The following TTN variants were observed in gnomAD, a reference collection of about 807,000 sequenced individuals.
TTN encodes the protein titin.
Under a neutral mutation model 3,223.0 loss-of-function variants are expected in TTN, and 1,525 were observed. The ratio of observed to expected loss-of-function variants is 0.47; its 90% CI spans 0.45 to 0.49. The LOEUF is 0.49. Among genes scored for constraint, TTN ranks in the 20% least tolerant of loss-of-function variants. TTN has a pLI of 0.00. For synonymous variants in TTN, 14,094 were observed against 15,161.0 expected (o/e 0.93, Z 5.17); for missense variants, 40,786 against 43,424.0 (o/e 0.94, Z 5.40).
chr2:178,778,259 C>T lies in TTN; in HGVS notation c.4209-284G>A, dbSNP rs897057849. On this transcript the variant is annotated intron_variant, in intron 24 of 362. Coordinates refer to ENST00000589042, the MANE Select transcript of TTN (RefSeq NM_001267550.2). ...CCTCAATACTCTCTTTTCCTTACCA[C>T]TTGGATTTAATCAGTCACTAGACTT... 3 of 412,694 alleles carry T rather than the reference C, an allele frequency of 7.3e-6. No homozygotes were observed. In the Admixed American group the frequency reaches 1.2e-4, roughly 16 times the overall value. The allele number at this position is 412,694 out of a possible 1,614,324, so 25.6% of individuals were successfully genotyped here. A position where few individuals can be genotyped will look rare whatever the true frequency, so the allele number is the denominator to read the frequency against.
Position 178,548,827 on chromosome 2 carries a change from C to G in TTN, c.92799G>C (p.Gln30933His), listed in dbSNP as rs1553532340. 3.7e-6 allele frequency: 6 copies of G among 1,612,966 alleles called. No homozygotes were observed. The highest frequency in any genetic ancestry group is 5.1e-6 in the Non-Finnish European group (6 of 1,179,802). Residue 30933 changes from glutamine to histidine, a missense_variant, in exon 339 of 363, where the codon CAG becomes CAC. Gln to His is a conservative substitution (Grantham distance 24). Transcript: ENST00000589042. The surrounding 1 kb of genome is among the most constrained non-coding windows in gnomAD (Gnocchi z 4.3). ...PELDIDANFK[Q>H]THVVRAGASI... Reference sequence around the variant, plus strand: ...TGGCCCCAGCTCTAACAACATGAGTCTGTTTGAAGTTTGCATCTATGTCTA... The same window carrying G: ...TGGCCCCAGCTCTAACAACATGAGTGTGTTTGAAGTTTGCATCTATGTCTA...
chr2:178,579,390 G>A lies in TTN; in HGVS notation c.67640C>T (p.Ala22547Val), dbSNP rs1420237987. Residue 22547 changes from alanine (A) to valine (V), a missense_variant, in exon 320 of 363, where the codon GCT becomes GTT. Ala to Val is a moderately conservative substitution (Grantham distance 64). Coordinates refer to ENST00000589042, the MANE Select transcript of TTN (RefSeq NM_001267550.2). ...ITVVARDDVV[A>V]PDLDLKGLPD... ...TAGACCCTTTAAGTCAAGATCAGGA[G>A]CCACTGTAAAATAGCAGAGATAAAT... 1 of 1,562,900 alleles carries A rather than the reference G, an allele frequency of 6.4e-7. No homozygotes were observed. Among genetic ancestry groups the A allele is most frequent in the Non-Finnish European group, 8.6e-7 (1 of 1,162,348 alleles).
At position 178,552,178 on chromosome 2, in the gene TTN, C is replaced by T; in HGVS notation, c.90722G>A (p.Ser30241Asn). Residue 30241 changes from serine (S) to asparagine (N), a missense_variant, in exon 335 of 363, where the codon AGT becomes AAT. By Grantham distance (46) the Ser-to-Asn change is conservative (BLOSUM62 1). Transcript: ENST00000589042. ...PIRFDEIKAD[S>N]VILSWDVPED... is the part of the protein sequence containing the mutation. ...AGGTACATCCCATGACAGGATGACACTATCAGCCTTGATTTCATCAAATCG... is the reference window on the plus strand; with the variant it reads ...AGGTACATCCCATGACAGGATGACATTATCAGCCTTGATTTCATCAAATCG... The T allele has an allele frequency of 6.2e-7, 1 of 1,613,806 alleles. No homozygotes were observed. Among genetic ancestry groups the T allele is most frequent in the South Asian group, 1.1e-5 (1 of 91,070 alleles).
intron 140 of TTN, 61 bp downstream of exon 140, chr2:178,679,833 A>C: frequency 1.3e-6 from 2 of 1,597,724 alleles, no homozygotes; most frequent in East Asian, 2.2e-5. Context: ...AATCTGACCA[A>C]ATCAGACCCC....
intron 113 of TTN, 69 bp downstream of exon 113, chr2:178,697,052 A>T: frequency 7.4e-7 from 1 of 1,351,270 alleles, no homozygotes; most frequent in South Asian, 1.3e-5. Flanking sequence ...TAATATTTAA[A>T]ATAAGAATAG....
In TTN at chr2:178,789,345, A is replaced by G. The variant is rs991303719; in HGVS notation, c.2076+15T>C. 6.2e-7 allele frequency: 1 copy of G among 1,613,012 alleles called. No individual in the cohort carries two copies. Among genetic ancestry groups the G allele is most frequent in the Non-Finnish European group, 8.5e-7 (1 of 1,179,178 alleles). On this transcript the variant is annotated intron_variant, in intron 13 of 362. Coordinates refer to ENST00000589042, the MANE Select transcript of TTN (RefSeq NM_001267550.2). ...TTATAATAGGGGATTTCACACTTGGAACAACAATAGTCACCTTTCCATGGG... is the reference window on the plus strand; with the variant it reads ...TTATAATAGGGGATTTCACACTTGGGACAACAATAGTCACCTTTCCATGGG...
chr2:178,785,970 G>C lies in TTN; in HGVS notation c.2248C>G (p.Pro750Ala), dbSNP rs1273353163. 3 of 1,614,124 alleles carry C rather than the reference G, an allele frequency of 1.9e-6. No individual in the cohort carries two copies. Among genetic ancestry groups the C allele is most frequent in the Non-Finnish European group, 2.5e-6 (3 of 1,179,996 alleles). ...RISAAKVAEP[P>A]QRPASEPHVV... ...TGGGGTTCTGAGGCTGGACGTTGGG[G>C]AGGCTCAGCTACCTTTGCGGCGGAA... is the stretch of plus-strand genomic sequence containing the variant. Residue 750 changes from proline (P) to alanine (A), a missense_variant, in exon 14 of 363, where the codon CCC (proline) becomes GCC (alanine). Coordinates refer to ENST00000589042, the MANE Select transcript of TTN (RefSeq NM_001267550.2).
chr2:178,714,958 G>A (rs1217511275), intron 90 of TTN, 28 bp downstream of exon 90: 2 of 1,581,668 alleles, frequency 1.3e-6, no homozygotes, highest in African/African-American at 2.7e-5. Flanking sequence ...GGGAAGTAGT[G>A]AGCAGAAGTG....
intron 312 of TTN, 170 bp from the exon 313 acceptor site, chr2:178,583,397 T>G: frequency 1.2e-6 from 1 of 845,338 alleles, no homozygotes; most frequent in East Asian, 2.8e-5. Flanking sequence ...TGAATAACTA[T>G]TGAAATTATA....
At position 178,720,198 on chromosome 2, in the gene TTN, C is replaced by T. The variant is rs372804810; in HGVS notation, c.23444G>A (p.Arg7815Gln). Reference sequence around the variant, plus strand: ...TGGCTGGAAGCCCTCCACTATGGCCCGTAACTCAACAGCATCCCCAATAAG... The same window carrying T: ...TGGCTGGAAGCCCTCCACTATGGCCTGTAACTCAACAGCATCCCCAATAAG... ...STLIGDAVELRAIVEGFQPIS... is the reference protein window; with the variant it reads ...STLIGDAVELQAIVEGFQPIS... The change falls in exon 81 of 363, where the codon CGG (arginine) becomes CAG (glutamine). Residue 7815 changes from arginine to glutamine, a missense_variant. By Grantham distance (43) the Arg-to-Gln change is conservative. Transcript: ENST00000589042. 3.4e-5 allele frequency: 55 copies of T among 1,613,598 alleles called. No individual in the cohort carries two copies. The highest frequency in any genetic ancestry group is 1.7e-4 in the Admixed American group (10 of 59,988).
chr2:178,723,637 T>C lies in TTN; in HGVS notation c.21463A>G (p.Thr7155Ala). 1 of 1,610,720 alleles carries C rather than the reference T, an allele frequency of 6.2e-7. No individual in the cohort carries two copies. Among genetic ancestry groups the C allele is most frequent in the Non-Finnish European group, 8.5e-7 (1 of 1,178,424 alleles). ...PLEVLPGKNV[T>A]FTSVIRGTPP... is the part of the protein sequence containing the mutation. Reference sequence around the variant, plus strand: ...GTTCCTCTAATAACGCTTGTGAAGGTTACATTTTTGCCTGGTAGTACTTCC... The same window carrying C: ...GTTCCTCTAATAACGCTTGTGAAGGCTACATTTTTGCCTGGTAGTACTTCC... The change falls in exon 74 of 363, where the codon ACC becomes GCC. Residue 7155 changes from threonine (T) to alanine (A), a missense_variant. By Grantham distance (58) the Thr-to-Ala change is moderately conservative (BLOSUM62 0). Coordinates refer to ENST00000589042, the MANE Select transcript of TTN (RefSeq NM_001267550.2).
In TTN at chr2:178,548,894, G is replaced by T. The variant is rs1258281031; in HGVS notation, c.92732C>A (p.Thr30911Asn). Residue 30911 changes from threonine (T) to asparagine (N), a missense_variant, in exon 339 of 363, where the codon ACT becomes AAT. Physicochemically the swap from Thr to Asn is moderately conservative, Grantham distance 65. Coordinates refer to ENST00000589042, the MANE Select transcript of TTN (RefSeq NM_001267550.2). This position sits in a 1 kb window ranked among gnomAD's most constrained non-coding sequence, Gnocchi z 4.3. Reference sequence around the variant, plus strand: ...CCGGTCAACTGCTTTAATTGTGCCAGTCACTTCACAGCTGTCGCCTTTTCC... The same window carrying T: ...CCGGTCAACTGCTTTAATTGTGCCATTCACTTCACAGCTGTCGCCTTTTCC... Reference protein sequence around the residue: ...GAGKGDSCEVTGTIKAVDRLT... With the variant: ...GAGKGDSCEVNGTIKAVDRLT... 12 of 1,613,816 alleles carry T rather than the reference G, an allele frequency of 7.4e-6. No individual in the cohort carries two copies. The East Asian group carries it at 2.7e-4, about 36-fold the overall frequency.
chr2:178,667,866 G>A, intron 159 of TTN, 145 bp from the exon 160 acceptor site: 1 of 572,832 alleles, frequency 1.7e-6, no homozygotes. Context: ...GAATGCATTG[G>A]CTGGGGATAG....
rs1476303377 is a variant in TTN at position 178,528,696 on chromosome 2, G to A, written c.107055C>T (p.Ile35685=). 5 of 1,613,442 alleles carry A rather than the reference G, an allele frequency of 3.1e-6. No homozygotes were observed. Among genetic ancestry groups the A allele is most frequent in the Admixed American group, 1.7e-5 (1 of 59,934 alleles). ...LTCISKTKEG[I]VKCQYDLTLS... ...GTGTCAAATCATACTGACACTTGAC[G>A]ATTCCTTCCTTGGTTTTGCTTATGC... Residue 35685 remains isoleucine (I), a synonymous_variant, in exon 360 of 363, where the codon ATC becomes ATT. Transcript: ENST00000589042.
chr2:178,553,019 C>T lies in TTN; in HGVS notation c.89881G>A (p.Gly29961Arg). Residue 29961 changes from glycine (G) to arginine (R), a missense_variant, in exon 335 of 363, where the codon GGA becomes AGA. Physicochemically the swap from Gly to Arg is moderately radical, Grantham distance 125 (BLOSUM62 -2). Transcript: ENST00000589042. ...TLLWDPPLID[G>R]GSPIINYVIE... ...ACATAATTAATTATTGGAGATCCTC[C>T]ATCAATGAGAGGAGGATCCCAGAGC... The T allele has an allele frequency of 1.2e-6, 2 of 1,611,668 alleles. No individual in the cohort carries two copies. Among genetic ancestry groups the T allele is most frequent in the Non-Finnish European group, 1.7e-6 (2 of 1,179,760 alleles).
Position 178,748,668 on chromosome 2 carries a change from G to T in TTN, c.11311+4456C>A, listed in dbSNP as rs780445892. 8 of 1,612,704 alleles carry T rather than the reference G, an allele frequency of 5.0e-6. No individual in the cohort carries two copies. The Admixed American group carries it at 1.3e-4, about 27-fold the overall frequency. Reference sequence around the variant, plus strand: ...GTGTGTTTTATTTGAGTGTGAAACTGCTTTAAGTCAAATGTAATAGGTGAT... The same window carrying T: ...GTGTGTTTTATTTGAGTGTGAAACTTCTTTAAGTCAAATGTAATAGGTGAT... On this transcript the variant is annotated intron_variant, in intron 47 of 362. Coordinates refer to ENST00000589042, the MANE Select transcript of TTN (RefSeq NM_001267550.2).
chr2:178,715,675 T>C lies in TTN; in HGVS notation c.25739A>G (p.Lys8580Arg). Residue 8580 changes from lysine to arginine, a missense_variant, in exon 89 of 363, where the codon AAA becomes AGA. Coordinates refer to ENST00000589042, the MANE Select transcript of TTN (RefSeq NM_001267550.2). ...AGTCTCGTCCTTATACCATAAAACT[T>C]TGATTTCTGGAGACCCACCGATTTT... ...ECKIGGSPEI[K>R]VLWYKDETEI... 1 of 1,612,762 alleles carries C rather than the reference T, an allele frequency of 6.2e-7. No individual in the cohort carries two copies. The highest frequency in any genetic ancestry group is 1.1e-5 in the South Asian group (1 of 90,876).
At chr2:178,786,516 T>C (rs1429485206) in intron 13 of TTN, among the ~76,000 whole-genome samples, 4 of 152,216 alleles carry the variant, frequency 2.6e-5, no homozygotes, top group Non-Finnish European at 5.9e-5. Context: ...TGATTATTTT[T>C]ATTATCTTGT....
chr2:178,532,259 A>G lies in TTN; in HGVS notation c.104356T>C (p.Tyr34786His). 6.2e-7 allele frequency: 1 copy of G among 1,613,744 alleles called. No homozygotes were observed. The highest frequency in any genetic ancestry group is 1.3e-5 in the African/African-American group (1 of 74,994). Residue 34786 changes from tyrosine (Y) to histidine (H), a missense_variant, in exon 358 of 363, where the codon TAC becomes CAC. Transcript: ENST00000589042. The part of the protein sequence containing the change: ...PVTTTQHLSE[Y>H]KSELDFMSKE... ...GACATGAAGTCAAGTTCGCTTTTGT[A>G]TTCTGAGAGATGCTGGGTGGTCGTA...
Sources: gnomAD v4.1 joint callset for allele counts (sites outside exome capture counted in the v4.1 genomes callset) on GRCh38, gnomAD v4.1.1 for gene constraint, Gnocchi (gnomAD v3.1) non-coding constraint, MANE v1.5 for transcripts, NCBI Gene and HGNC (gene_info 2026-07-23, HGNC 2026-07-21) for gene names.